Variants in ATP6V1C1 observed in about 807,000 individuals in gnomAD.
ATP6V1C1 encodes ATPase H+ transporting V1 subunit C1.
ATP6V1C1 carries 45 observed loss-of-function variants against 53.9 expected under a neutral mutation model. The ratio of observed to expected loss-of-function variants is 0.83; its 90% CI spans 0.66 to 1.07. The LOEUF (loss-of-function observed/expected upper bound fraction) is 1.07. ATP6V1C1 is among the 50% of genes least tolerant of loss of function. The pLI, the probability that ATP6V1C1 is intolerant of heterozygous loss-of-function variation, is 0.00. For synonymous variants in ATP6V1C1, 153 were observed against 155.2 expected, an observed-to-expected ratio of 0.99 and a Z score of 0.11; for missense variants, 315 against 440.3, an observed-to-expected ratio of 0.72 and a Z score of 2.55.
intron 7 of ATP6V1C1, among the ~76,000 whole-genome samples, chr8:103,054,495 C>G (rs1023402679): frequency 2.0e-5 from 3 of 152,032 alleles, no homozygotes; most frequent in African/African-American, 7.2e-5. Flanking sequence ...GTGGTTATAG[C>G]TGAAGTAGCC....
chr8:103,032,618 C>T (rs755064040), intron 1 of ATP6V1C1, among the ~76,000 whole-genome samples: 2 of 152,024 alleles, frequency 1.3e-5, no homozygotes, highest in African/African-American at 2.4e-5. Context: ...GCTGGGATTA[C>T]AGGCCTGCAC....
At chr8:103,050,427 A>T (rs775749129) in intron 4 of ATP6V1C1, among the ~76,000 whole-genome samples, 1 of 152,210 alleles carries the variant, frequency 6.6e-6, no homozygotes, top group Non-Finnish European at 1.5e-5. Flanking sequence ...TATATGAATT[A>T]CTTCCGTCAG....
At position 103,041,114 on chromosome 8, in the gene ATP6V1C1, T is replaced by C. The variant is rs1816993038; in HGVS notation, c.132+146T>C. 1.2e-5 allele frequency: 12 copies of C among 971,058 alleles called. No homozygotes were observed. The East Asian group carries it at 3.5e-4, about 28-fold the overall frequency. 60.2% of individuals were successfully genotyped at this position (971,058 alleles called of 1,614,324 possible). On this transcript the variant is annotated intron_variant, in intron 2 of 12. Coordinates refer to ENST00000518738, the MANE Select transcript of ATP6V1C1 (RefSeq NM_001695.5). ...GGCATGATTTAAAATGTGTCTTCTT[T>C]GAAATTTTAGAAGTAAACTACCAAA...
At chr8:103,049,056 C>T in intron 4 of ATP6V1C1, 101 bp downstream of exon 4, 1 of 1,051,112 alleles carries the variant, frequency 9.5e-7, no homozygotes. Context: ...GAAAAGGACA[C>T]TAAATACAAT....
At chr8:103,022,837 C>T (rs1816622109) in intron 1 of ATP6V1C1, among the ~76,000 whole-genome samples, 1 of 151,844 alleles carries the variant, frequency 6.6e-6, no homozygotes, top group South Asian at 2.1e-4. Context: ...TTGCCTGAGG[C>T]CAGGAGTTCA....
rs943102510 is a variant in ATP6V1C1, at chr8:103,048,793, A to C, written c.201-77A>C. The C allele has an allele frequency of 5.6e-5, 68 of 1,222,376 alleles. No individual in the cohort carries two copies. In the Admixed American group the frequency reaches 1.2e-3, roughly 22 times the overall value. 75.7% of individuals were successfully genotyped at this position (1,222,376 alleles called of 1,614,324 possible). ...AACATATAGTCAAATTCATGTCTTT[A>C]TGTAATATGTTCATTGTATAGAATG... On this transcript the variant is annotated intron_variant, in intron 3 of 12. Coordinates refer to ENST00000518738, the MANE Select transcript of ATP6V1C1 (RefSeq NM_001695.5).
intron 8 of ATP6V1C1, among the ~76,000 whole-genome samples, chr8:103,062,456 C>T (rs1053226737): frequency 2.0e-5 from 3 of 152,070 alleles, no homozygotes; most frequent in Non-Finnish European, 2.9e-5. Flanking sequence ...AGACATAAGC[C>T]ACTGCACCCA....
At position 103,048,469 on chromosome 8, in the gene ATP6V1C1, A is replaced by G. The variant is rs1323881066; in HGVS notation, c.201-401A>G. Among the ~76,000 whole-genome samples, 4 of 152,212 alleles carry G rather than the reference A, an allele frequency of 2.6e-5. No individual in the cohort carries two copies. In the East Asian group the frequency reaches 7.7e-4, roughly 29 times the overall value. On this transcript the variant is annotated intron_variant, in intron 3 of 12. Coordinates refer to ENST00000518738, the MANE Select transcript of ATP6V1C1 (RefSeq NM_001695.5). ...GGTCCCTTTCTTCCTAAGGGAAAGC[A>G]CAGTGTCTTGCATGTCATAGGAACA...
Position 103,066,322 on chromosome 8 carries a change from T to A in ATP6V1C1, c.928T>A (p.Tyr310Asn). ...ACTGTATTTCTGCTTTTTTGTAAGG[T>A]ATGGCTTGCCAGTGAACTTCCAAGC... ...LRVFVESVLR[Y>N]GLPVNFQAML... The change falls in exon 12 of 13, where the codon TAT becomes AAT. Residue 310 changes from tyrosine (Y) to asparagine (N), a missense_variant and splice_region_variant. By Grantham distance (143) the Tyr-to-Asn change is moderately radical. Transcript: ENST00000518738. 1 of 1,606,566 alleles carries A rather than the reference T, an allele frequency of 6.2e-7. No individual in the cohort carries two copies. Among genetic ancestry groups the A allele is most frequent in the Non-Finnish European group, 8.5e-7 (1 of 1,177,964 alleles).
At chr8:103,049,472 C>T (rs1817161992) in intron 4 of ATP6V1C1, among the ~76,000 whole-genome samples, 3 of 152,172 alleles carry the variant, frequency 2.0e-5, no homozygotes, top group Non-Finnish European at 4.4e-5. Context: ...TTCTCTGTAG[C>T]TAGAAGCCAG....
chr8:103,045,382 T>A (rs1049419564), intron 3 of ATP6V1C1, among the ~76,000 whole-genome samples: 2 of 152,300 alleles, frequency 1.3e-5, no homozygotes, highest in East Asian at 3.9e-4. Context: ...TTCTTTAATA[T>A]TGGAGTCAAG....
At chr8:103,024,257 A>G (rs1274488477) in intron 1 of ATP6V1C1, among the ~76,000 whole-genome samples, 1 of 152,222 alleles carries the variant, frequency 6.6e-6, no homozygotes, top group Non-Finnish European at 1.5e-5. Flanking sequence ...TGAGAGCTAG[A>G]TAGTGTAATT....
intron 2 of ATP6V1C1, among the ~76,000 whole-genome samples, chr8:103,041,573 TA>T (rs1817001596): frequency 6.6e-6 from 1 of 152,084 alleles, no homozygotes; most frequent in Non-Finnish European, 1.5e-5. Context: ...AAGAAATATT[TA>T]AAATGACTGA....
intron 1 of ATP6V1C1, among the ~76,000 whole-genome samples, chr8:103,024,669 T>C (rs529117686): frequency 6.6e-6 from 1 of 152,366 alleles, no homozygotes; most frequent in South Asian, 2.1e-4. Context: ...GATTTCCATT[T>C]TTCATCAATT....
chr8:103,054,688 T>G (rs1329135021), intron 7 of ATP6V1C1, among the ~76,000 whole-genome samples: 1 of 152,116 alleles, frequency 6.6e-6, no homozygotes, highest in East Asian at 1.9e-4. Flanking sequence ...ATGAAACCTT[T>G]GGGTACTTGT....
chr8:103,064,898 T>C (rs933408025), intron 11 of ATP6V1C1, 87 bp downstream of exon 11: 17 of 1,170,354 alleles, frequency 1.5e-5, no homozygotes, highest in East Asian at 2.4e-5. Flanking sequence ...AGTCCAGCAA[T>C]AGGAAATTGA....
intron 1 of ATP6V1C1, among the ~76,000 whole-genome samples, chr8:103,024,881 C>T (rs568586445): frequency 2.6e-5 from 4 of 151,918 alleles, no homozygotes; most frequent in African/African-American, 9.7e-5. Context: ...ATGTACTATG[C>T]GTTTATTGAG....
At chr8:103,040,730 A>T (rs773210320) in intron 1 of ATP6V1C1, 68 bp from the exon 2 acceptor site, 4 of 1,382,706 alleles carry the variant, frequency 2.9e-6, no homozygotes, top group Non-Finnish European at 3.9e-6. Flanking sequence ...AACTTCTCCT[A>T]TGATTCTGAA....
intron 6 of ATP6V1C1, among the ~76,000 whole-genome samples, chr8:103,053,162 CACTT>C (rs1817229446): frequency 1.3e-5 from 2 of 152,096 alleles, no homozygotes; most frequent in Admixed American, 1.3e-4. Flanking sequence ...AATTACCTAT[CACTT>C]AACTATAGAA....
Sources: allele counts gnomAD v4.1 joint callset (sites outside exome capture counted in the v4.1 genomes callset), GRCh38; gene constraint gnomAD v4.1.1; transcripts MANE v1.5; gene names NCBI Gene and HGNC (gene_info 2026-07-23, HGNC 2026-07-21).